CALN1: variants seen among roughly 807,000 people sequenced by gnomAD.
CALN1 encodes the protein calneuron 1.
In CALN1, 17 loss-of-function variants were observed where a neutral mutation model predicts 30.6. The ratio of observed to expected loss-of-function variants is 0.56; its 90% CI spans 0.38 to 0.83. The LOEUF (loss-of-function observed/expected upper bound fraction) is 0.83. CALN1 is among the 40% of genes least tolerant of loss of function. The probability of loss-of-function intolerance (pLI) is 0.00; values close to 1 mark genes in which losing one functional copy is unlikely to be tolerated. For missense variants in CALN1, 291 were observed against 354.9 expected (o/e 0.82, Z 1.45); for synonymous variants, 156 against 131.4 (o/e 1.19, Z -1.28).
chr7:71,873,596 T>C (rs764492878), intron 5 of CALN1, among the ~76,000 whole-genome samples: 2 of 149,664 alleles, frequency 1.3e-5, no homozygotes, highest in Non-Finnish European at 3.0e-5. Context: ...TCAAAGTTGC[T>C]CAAGAAAAAA....
chr7:72,321,718 G>C (rs1318847441), intron 2 of CALN1, among the ~76,000 whole-genome samples: 1 of 152,182 alleles, frequency 6.6e-6, no homozygotes, highest in Non-Finnish European at 1.5e-5. Context: ...CATCGCTGGA[G>C]TCACAGGTGC....
At chr7:72,408,646 T>C (rs1002599705) in intron 1 of CALN1, among the ~76,000 whole-genome samples, 1 of 148,590 alleles carries the variant, frequency 6.7e-6, no homozygotes, top group Non-Finnish European at 1.5e-5. Flanking sequence ...TGAAAAGACA[T>C]ACAAATGACC....
Position 71,784,517 on chromosome 7 carries a change from G to T in CALN1, c.*3258C>A. The T allele has an allele frequency of 3.4e-6, 1 of 297,794 alleles. No homozygotes were observed. The highest frequency in any genetic ancestry group is 5.1e-5 in the Admixed American group (1 of 19,420). The allele number at this position is 297,794 out of a possible 1,614,324, so 18.4% of individuals were successfully genotyped here. On this transcript the variant is annotated 3_prime_UTR_variant, in exon 7 of 7. Transcript: ENST00000395275. ...AGTCCCGATGCTAGATTCTGTCTGG[G>T]GGCTTTGTGGGTATCTGGAAAGGTG... is the stretch of plus-strand genomic sequence containing the variant.
the CALN1 span, among the ~76,000 whole-genome samples, chr7:72,486,054 A>G: frequency 2.0e-5 from 3 of 152,180 alleles, no homozygotes; most frequent in African/African-American, 7.2e-5. Flanking sequence ...AACCTAGATG[A>G]TATAGCCTAC....
At chr7:72,130,776 A>G (rs1809087096) in intron 3 of CALN1, among the ~76,000 whole-genome samples, 1 of 152,182 alleles carries the variant, frequency 6.6e-6, no homozygotes, top group African/African-American at 2.4e-5. Flanking sequence ...TGTGATTGTA[A>G]AAGTACACAC....
intron 3 of CALN1, among the ~76,000 whole-genome samples, chr7:72,145,593 A>G (rs1266703733): frequency 1.3e-5 from 2 of 152,226 alleles, no homozygotes; most frequent in East Asian, 1.9e-4. Flanking sequence ...TCAATAGAAA[A>G]AGAGGGAATC....
At chr7:71,836,997 C>T (rs910570160) in intron 5 of CALN1, among the ~76,000 whole-genome samples, 1 of 150,888 alleles carries the variant, frequency 6.6e-6, no homozygotes, top group Non-Finnish European at 1.5e-5. Context: ...TTTGGGAGGC[C>T]GAGGCAGACA....
intron 3 of CALN1, among the ~76,000 whole-genome samples, chr7:72,140,993 C>T (rs760393054): frequency 2.9e-4 from 44 of 152,188 alleles, no homozygotes; most frequent in Admixed American, 7.9e-4. Context: ...ATACTAGCCT[C>T]CTAGTGTGGA....
chr7:71,793,856 TG>T (rs1041607243), intron 6 of CALN1, among the ~76,000 whole-genome samples: 22 of 146,586 alleles, frequency 1.5e-4, no homozygotes, highest in Non-Finnish European at 4.4e-5. Context: ...AGAGCAAGAC[TG>T]TCTAAAAAAA....
At position 71,954,840 on chromosome 7, in the gene CALN1, T is replaced by C. The variant is rs554392964; in HGVS notation, c.501+68817A>G. 9.9e-5 allele frequency among the ~76,000 whole-genome samples: 15 copies of C among 151,958 alleles called. No individual in the cohort carries two copies. In the East Asian group the frequency reaches 1.9e-3, roughly 20 times the overall value. Reference sequence around the variant, plus strand: ...TGAGTACAGACTACTACCTGGGGGGTTGATTCAGAGCAGTGAAGAGGAGTG... The same window carrying C: ...TGAGTACAGACTACTACCTGGGGGGCTGATTCAGAGCAGTGAAGAGGAGTG... On this transcript the variant is annotated intron_variant, in intron 5 of 6. Coordinates refer to ENST00000395275, the MANE Select transcript of CALN1 (RefSeq NM_031468.4).
At chr7:71,923,193 G>T (rs749452140) in intron 5 of CALN1, among the ~76,000 whole-genome samples, 1 of 152,008 alleles carries the variant, frequency 6.6e-6, no homozygotes, top group Non-Finnish European at 1.5e-5. Flanking sequence ...TTTACACCAC[G>T]CAATGTAGAG....
intron 5 of CALN1, among the ~76,000 whole-genome samples, chr7:71,842,973 A>T (rs1247617822): frequency 6.6e-6 from 1 of 152,294 alleles, no homozygotes; most frequent in African/African-American, 2.4e-5. Flanking sequence ...AGTGAAGGAA[A>T]ATCCTAGACC....
chr7:72,279,151 A>C lies in CALN1; in HGVS notation c.120-341T>G, dbSNP rs1396151977. On this transcript the variant is annotated intron_variant, in intron 2 of 6. Coordinates refer to ENST00000395275, the MANE Select transcript of CALN1 (RefSeq NM_031468.4). ...ATCCTTGACTCCTTTCCTTGGCCCGATAAATTCTCACTTGATGCTTGTAAG... is the reference window on the plus strand; with the variant it reads ...ATCCTTGACTCCTTTCCTTGGCCCGCTAAATTCTCACTTGATGCTTGTAAG... Among the ~76,000 whole-genome samples the C allele has an allele frequency of 2.6e-5, 4 of 152,266 alleles. No individual in the cohort carries two copies. In the East Asian group the frequency reaches 7.7e-4, roughly 29 times the overall value.
At chr7:71,928,880 C>T in intron 5 of CALN1, among the ~76,000 whole-genome samples, 1 of 146,604 alleles carries the variant, frequency 6.8e-6, no homozygotes, top group South Asian at 2.2e-4. Flanking sequence ...TACAAAAATA[C>T]AAAAAAAAAA....
intron 4 of CALN1, among the ~76,000 whole-genome samples, chr7:72,076,001 C>T (rs1804701747): frequency 6.6e-6 from 1 of 152,096 alleles, no homozygotes; most frequent in Admixed American, 6.5e-5. Flanking sequence ...AAGCCCAGGA[C>T]AGATGAGGCC....
chr7:71,817,544 C>A (rs1454001519), intron 5 of CALN1, among the ~76,000 whole-genome samples: 1 of 152,206 alleles, frequency 6.6e-6, no homozygotes, highest in Non-Finnish European at 1.5e-5. Flanking sequence ...GAGACGGAGT[C>A]TCGCTCTGTC....
At chr7:72,105,006 GA>G (rs1806979165) in intron 4 of CALN1, among the ~76,000 whole-genome samples, 1 of 150,666 alleles carries the variant, frequency 6.6e-6, no homozygotes, top group Non-Finnish European at 1.5e-5. Context: ...ATGAAAATAA[GA>G]TAAAAATGTT....
At chr7:72,399,213 T>G (rs553191987) in intron 2 of CALN1, among the ~76,000 whole-genome samples, 1 of 148,900 alleles carries the variant, frequency 6.7e-6, no homozygotes, top group Admixed American at 6.7e-5. Flanking sequence ...TGGCTGGCTG[T>G]GGGAAGGGTG....
intron 2 of CALN1, among the ~76,000 whole-genome samples, chr7:72,326,316 A>G (rs1247899903): frequency 6.6e-6 from 1 of 152,214 alleles, no homozygotes; most frequent in Non-Finnish European, 1.5e-5. Context: ...AGTGGGTTAC[A>G]TACCTCTGGG....
Sources: allele counts gnomAD v4.1 joint callset (sites outside exome capture counted in the v4.1 genomes callset), GRCh38; gene constraint gnomAD v4.1.1; transcripts MANE v1.5; gene names NCBI Gene and HGNC (gene_info 2026-07-23, HGNC 2026-07-21).